ALCAM: variants seen among roughly 807,000 people sequenced by gnomAD.
The protein encoded by ALCAM is activated leukocyte cell adhesion molecule, also known as CD166 antigen.
Under a neutral mutation model 70.9 loss-of-function variants are expected in ALCAM, and 30 were observed. The ratio of observed to expected loss-of-function variants is 0.42; its 90% confidence interval spans 0.32 to 0.57. ALCAM has a LOEUF of 0.57. Among genes scored for constraint, ALCAM ranks in the 20% least tolerant of loss-of-function variants. The probability of loss-of-function intolerance (pLI) is 0.11; values close to 1 mark genes in which losing one functional copy is unlikely to be tolerated. For synonymous variants in ALCAM, 249 were observed against 242.5 expected (o/e 1.03, Z -0.25); for missense variants, 591 against 695.1 (o/e 0.85, Z 1.68).
At chr3:105,446,623 A>T (rs1295617824) in intron 1 of ALCAM, among the ~76,000 whole-genome samples, 10 of 149,596 alleles carry the variant, frequency 6.7e-5, no homozygotes, top group Non-Finnish European at 1.3e-4. Context: ...ACACACACAC[A>T]CACACACACA....
chr3:105,443,012 A>G (rs1446553427), intron 1 of ALCAM, among the ~76,000 whole-genome samples: 1 of 151,950 alleles, frequency 6.6e-6, no homozygotes, highest in Admixed American at 6.6e-5. Context: ...GTGTATAGAG[A>G]TGGGGATCTT....
rs74906237 is a variant in ALCAM, at chr3:105,508,668, A to G, written c.74-11399A>G. 8.8e-3 allele frequency among the ~76,000 whole-genome samples: 1,335 copies of G among 152,278 alleles called. 52 individuals carry two copies. In the East Asian group the frequency reaches 0.13, roughly 15 times the overall value. ...TGATATACATATGCCTTGTGAAATG[A>G]TGACTACAGTTAAGCAAATCAACAT... is the stretch of plus-strand genomic sequence containing the variant. On this transcript the variant is annotated intron_variant, in intron 1 of 15. Transcript: ENST00000306107.
chr3:105,548,859 C>T (rs1940317444), intron 11 of ALCAM, among the ~76,000 whole-genome samples: 1 of 151,442 alleles, frequency 6.6e-6, no homozygotes, highest in African/African-American at 2.4e-5. Context: ...CTTTTCTACT[C>T]TATTGTTTTT....
chr3:105,521,111 C>T (rs1382924840), intron 2 of ALCAM, among the ~76,000 whole-genome samples: 1 of 150,968 alleles, frequency 6.6e-6, no homozygotes, highest in Non-Finnish European at 1.5e-5. Flanking sequence ...ACCATCCTGG[C>T]TAACAAGGTG....
chr3:105,477,874 T>C (rs1489378979), intron 1 of ALCAM, among the ~76,000 whole-genome samples: 1 of 146,688 alleles, frequency 6.8e-6, no homozygotes, highest in Non-Finnish European at 1.5e-5. Flanking sequence ...CAGTATTAGA[T>C]ATTTTAAATT....
At chr3:105,418,232 G>A (rs941240647) in intron 1 of ALCAM, among the ~76,000 whole-genome samples, 3 of 151,806 alleles carry the variant, frequency 2.0e-5, no homozygotes, top group African/African-American at 7.2e-5. Context: ...CAGAACAAAG[G>A]CATTGAAGAG....
In ALCAM at chr3:105,466,510, GA is replaced by G. The variant is rs549475877; in HGVS notation, c.74-53555del. On this transcript the variant is annotated intron_variant, in intron 1 of 15. Coordinates refer to ENST00000306107, the MANE Select transcript of ALCAM (RefSeq NM_001627.4). ...TTCTTATATCAATTTGTTCTTTCTG[GA>G]ATTTTTTTTTAAATCTTCTCTTCCA... Among the ~76,000 whole-genome samples, 5 of 151,360 alleles carry G rather than the reference GA, an allele frequency of 3.3e-5. No individual in the cohort carries two copies. The East Asian group carries it at 9.7e-4, about 29-fold the overall frequency.
At chr3:105,476,314 T>C (rs1418327162) in intron 1 of ALCAM, among the ~76,000 whole-genome samples, 2 of 152,084 alleles carry the variant, frequency 1.3e-5, no homozygotes, top group Admixed American at 1.3e-4. Flanking sequence ...CCTCTAAATG[T>C]TTCCATTCAC....
chr3:105,534,123 A>G (rs777460013), intron 5 of ALCAM, among the ~76,000 whole-genome samples: 14 of 152,096 alleles, frequency 9.2e-5, no homozygotes, highest in Non-Finnish European at 1.6e-4. Context: ...ACGTAATTCC[A>G]CAACTGATCT....
intron 14 of ALCAM, among the ~76,000 whole-genome samples, chr3:105,558,729 A>C (rs1366934543): frequency 1.3e-5 from 2 of 152,178 alleles, no homozygotes; most frequent in African/African-American, 4.8e-5. Context: ...ACTTAGATTT[A>C]AACTCTCTTC....
chr3:105,438,473 A>G (rs944575148), intron 1 of ALCAM, among the ~76,000 whole-genome samples: 1 of 152,224 alleles, frequency 6.6e-6, no homozygotes, highest in African/African-American at 2.4e-5. Context: ...TTTATTCAGT[A>G]TCTACTAGGG....
At chr3:105,460,849 T>G (rs1937591990) in intron 1 of ALCAM, among the ~76,000 whole-genome samples, 2 of 152,114 alleles carry the variant, frequency 1.3e-5, no homozygotes, top group Admixed American at 1.3e-4. Context: ...TTTCTTTTCA[T>G]TGATTACTAC....
chr3:105,400,984 CG>C (rs752785759), intron 1 of ALCAM, among the ~76,000 whole-genome samples: 12 of 152,108 alleles, frequency 7.9e-5, no homozygotes, highest in Non-Finnish European at 1.6e-4. Context: ...ACTCAAGAAT[CG>C]AACTATTACT....
intron 1 of ALCAM, among the ~76,000 whole-genome samples, chr3:105,431,988 C>T (rs1319654856): frequency 2.6e-5 from 4 of 152,118 alleles, no homozygotes; most frequent in African/African-American, 9.7e-5. Flanking sequence ...TGCAGCAAAA[C>T]TTGAGCTGTA....
intron 1 of ALCAM, among the ~76,000 whole-genome samples, chr3:105,500,072 C>A (rs1938875726): frequency 6.6e-6 from 1 of 152,168 alleles, no homozygotes; most frequent in African/African-American, 2.4e-5. Flanking sequence ...TCACAGACTA[C>A]ACAGGATCCT....
chr3:105,533,554 A>C (rs148287455), intron 4 of ALCAM, 49 bp from the exon 5 acceptor site: 36,407 of 1,532,508 alleles, frequency 0.024, 528 homozygotes, highest in Non-Finnish European at 0.028. Context: ...TTCCAAATTG[A>C]CAGCCCCTGA....
At chr3:105,520,622 G>A (rs1939511440) in intron 2 of ALCAM, among the ~76,000 whole-genome samples, 1 of 152,094 alleles carries the variant, frequency 6.6e-6, no homozygotes, top group African/African-American at 2.4e-5. Context: ...CTGGCATTTA[G>A]CCTTAAAAAT....
chr3:105,440,148 G>GA (rs1385514142), intron 1 of ALCAM, among the ~76,000 whole-genome samples: 11 of 152,056 alleles, frequency 7.2e-5, no homozygotes, highest in Admixed American at 7.2e-4. Context: ...AGGGGACCAG[G>GA]AAAAAACCAA....
At chr3:105,487,961 A>G (rs28452673) in intron 1 of ALCAM, among the ~76,000 whole-genome samples, 12,349 of 152,168 alleles carry the variant, frequency 0.081, 619 homozygotes, top group Non-Finnish European at 0.12. Context: ...ATGATCTCCA[A>G]TGTCGGAAGT....
Sources: gnomAD v4.1 joint callset for allele counts (sites outside exome capture counted in the v4.1 genomes callset) on GRCh38, gnomAD v4.1.1 for gene constraint, MANE v1.5 for transcripts, NCBI Gene and HGNC (gene_info 2026-07-23, HGNC 2026-07-21) for gene names.